Variants in MAML3 observed in about 807,000 individuals in gnomAD.
MAML3 encodes the protein mastermind-like protein 3.
MAML3 carries 27 observed loss-of-function variants against 101.9 expected under a neutral mutation model. The observed-to-expected ratio is 0.27, with a 90% CI of 0.20 to 0.37. The LOEUF (loss-of-function observed/expected upper bound fraction) is 0.37. Among genes scored for constraint, MAML3 ranks in the 10% least tolerant of loss-of-function variants. The probability of loss-of-function intolerance (pLI) is 1.00; values close to 1 mark genes in which losing one functional copy is unlikely to be tolerated. For missense variants in MAML3, 1,316 were observed against 1,444.9 expected, an observed-to-expected ratio of 0.91 and a Z score of 1.45; for synonymous variants, 501 against 555.9, an observed-to-expected ratio of 0.90 and a Z score of 1.39.
At chr4:139,772,739 C>T (rs1190470528) in intron 2 of MAML3, among the ~76,000 whole-genome samples, 5 of 152,094 alleles carry the variant, frequency 3.3e-5, no homozygotes, top group Non-Finnish European at 1.5e-5. Context: ...AGTCAATGTT[C>T]TGTCACTGGA....
At position 139,943,864 on chromosome 4, in the gene MAML3, C is replaced by CTTTTTTTTTTTTTTTTTTTTTGTTTT. The variant is rs1733652977; in HGVS notation, c.469-52898_469-52897insAAAACAAAAAAAAAAAAAAAAAAAAA. On this transcript the variant is annotated intron_variant, in intron 1 of 4. Coordinates refer to ENST00000509479, the MANE Select transcript of MAML3 (RefSeq NM_018717.5). ...GGTTGGGTTGTGGGCCTAAAGACAA[C>CTTTTTTTTTTTTTTTTTTTTTGTTTT]TTTTTTTTTTTTTTTTTTTTTTTTG... Among the ~76,000 whole-genome samples the CTTTTTTTTTTTTTTTTTTTTTGTTTT allele has an allele frequency of 4.6e-5, 3 of 65,824 alleles. 1 individual carries two copies. Among genetic ancestry groups the CTTTTTTTTTTTTTTTTTTTTTGTTTT allele is most frequent in the Admixed American group, 4.1e-4 (2 of 4,930 alleles). The allele number at this position is 65,824 out of a possible 152,430, so 43.2% of individuals were successfully genotyped here.
chr4:139,843,788 C>A (rs1000872878), intron 2 of MAML3, among the ~76,000 whole-genome samples: 2 of 152,092 alleles, frequency 1.3e-5, no homozygotes, highest in Non-Finnish European at 2.9e-5. Context: ...TGGACCTCAG[C>A]TTCTGTTTCA....
intron 1 of MAML3, among the ~76,000 whole-genome samples, chr4:139,976,773 T>C (rs1161537872): frequency 5.3e-5 from 8 of 152,360 alleles, no homozygotes; most frequent in African/African-American, 1.7e-4. Flanking sequence ...TTTTTCTGCC[T>C]TTTAAATACA....
chr4:139,909,362 A>T (rs1732877018), intron 1 of MAML3, among the ~76,000 whole-genome samples: 1 of 152,224 alleles, frequency 6.6e-6, no homozygotes, highest in South Asian at 2.1e-4. Context: ...ATAATACTTG[A>T]CACGTCTATG....
At chr4:139,841,543 A>G (rs1731361481) in intron 2 of MAML3, among the ~76,000 whole-genome samples, 1 of 152,242 alleles carries the variant, frequency 6.6e-6, no homozygotes, top group South Asian at 2.1e-4. Flanking sequence ...GACGCTTTCT[A>G]ATGAATCTGA....
At chr4:140,084,630 C>T (rs1339608041) in intron 1 of MAML3, among the ~76,000 whole-genome samples, 1 of 152,140 alleles carries the variant, frequency 6.6e-6, no homozygotes, top group Non-Finnish European at 1.5e-5. Flanking sequence ...CTTTTCACCT[C>T]GTTACTATGA....
At chr4:140,010,828 C>T (rs1223181992) in intron 1 of MAML3, among the ~76,000 whole-genome samples, 2 of 151,956 alleles carry the variant, frequency 1.3e-5, no homozygotes, top group South Asian at 2.1e-4. Context: ...TGAGGCCAGC[C>T]GCAGTGGCTC....
chr4:140,005,236 T>C (rs1726425501), intron 1 of MAML3, among the ~76,000 whole-genome samples: 1 of 152,216 alleles, frequency 6.6e-6, no homozygotes, highest in Non-Finnish European at 1.5e-5. Flanking sequence ...GCAGGTTGAT[T>C]CACTAGAGAT....
At chr4:140,039,550 T>C (rs1290642804) in intron 1 of MAML3, among the ~76,000 whole-genome samples, 1 of 152,174 alleles carries the variant, frequency 6.6e-6, no homozygotes, top group East Asian at 1.9e-4. Flanking sequence ...GCTTTCGTTA[T>C]CTGCTCCTCC....
chr4:139,862,469 T>C (rs777857887), intron 2 of MAML3, among the ~76,000 whole-genome samples: 5 of 152,236 alleles, frequency 3.3e-5, no homozygotes, highest in Admixed American at 6.5e-5. Context: ...AATTCCCTTT[T>C]TCTTGGACAA....
At chr4:139,725,691 A>G in intron 4 of MAML3, 60 bp downstream of exon 4, 1 of 1,507,328 alleles carries the variant, frequency 6.6e-7, no homozygotes, top group Non-Finnish European at 9.2e-7. Context: ...CTCTGGCTAC[A>G]CATTCACTTA....
intron 1 of MAML3, among the ~76,000 whole-genome samples, chr4:139,924,216 T>C (rs1733179290): frequency 6.6e-6 from 1 of 152,230 alleles, no homozygotes; most frequent in East Asian, 1.9e-4. Context: ...TGAATTGTAA[T>C]AAAATCACAG....
chr4:140,011,233 C>CATAT (rs70943468), intron 1 of MAML3, among the ~76,000 whole-genome samples: 3,377 of 119,758 alleles, frequency 0.028, 122 homozygotes, highest in African/African-American at 0.046. Flanking sequence ...ATAAAGTGTG[C>CATAT]ATATATATAT....
intron 2 of MAML3, among the ~76,000 whole-genome samples, chr4:139,775,097 T>C (rs76731631): frequency 0.023 from 3,511 of 152,284 alleles, 59 homozygotes; most frequent in Non-Finnish European, 0.039. Flanking sequence ...CAAGGGTACT[T>C]GGGCTTCTCA....
intron 2 of MAML3, among the ~76,000 whole-genome samples, chr4:139,794,748 G>T (rs544312894): frequency 6.6e-6 from 1 of 152,294 alleles, no homozygotes; most frequent in Admixed American, 6.5e-5. Flanking sequence ...TGTGTTCCAC[G>T]CTGGAAGAGC....
chr4:139,788,834 A>G (rs966614260), intron 2 of MAML3, among the ~76,000 whole-genome samples: 2 of 152,240 alleles, frequency 1.3e-5, no homozygotes, highest in African/African-American at 4.8e-5. Flanking sequence ...TGAGGGTCAC[A>G]ACCTAGGGAT....
At chr4:139,794,297 C>T (rs1215849312) in intron 2 of MAML3, 2 of 152,206 alleles carry the variant, frequency 1.3e-5, no homozygotes, top group African/African-American at 4.8e-5. Context: ...CTCTTCTTCT[C>T]TCTATACAGC....
At position 140,009,653 on chromosome 4, in the gene MAML3, T is replaced by G. The variant is rs74600289; in HGVS notation, c.469-118686A>C. Among the ~76,000 whole-genome samples, 283 of 152,348 alleles carry G rather than the reference T, an allele frequency of 1.9e-3. 1 individual carries two copies. Among genetic ancestry groups the G allele is most frequent in the African/African-American group, 6.4e-3 (267 of 41,582 alleles). The stretch of plus-strand genomic sequence containing the variant: ...TATTCTGAGCAATCCAGGCACAAGA[T>G]TTAATTGCATTGATTTAATTCAACA... On this transcript the variant is annotated intron_variant, in intron 1 of 4. Coordinates refer to ENST00000509479, the MANE Select transcript of MAML3 (RefSeq NM_018717.5).
chr4:140,150,835 G>C (rs545187830), intron 1 of MAML3, among the ~76,000 whole-genome samples: 128 of 152,258 alleles, frequency 8.4e-4, no homozygotes, highest in African/African-American at 3.0e-3. Context: ...CCCCGCCTCC[G>C]GCTACAATCA....
Sources: allele counts gnomAD v4.1 joint callset (sites outside exome capture counted in the v4.1 genomes callset), GRCh38; gene constraint gnomAD v4.1.1; transcripts MANE v1.5; gene names NCBI Gene and HGNC (gene_info 2026-07-23, HGNC 2026-07-21).